Variants in SNTG1 observed in about 807,000 individuals in gnomAD.
SNTG1 encodes the protein syntrophin gamma 1, also known as gamma-1-syntrophin.
Under a neutral mutation model 74.7 loss-of-function variants are expected in SNTG1, and 39 were observed. That is an observed-to-expected ratio of 0.52 (90% CI 0.40 to 0.68). The LOEUF (loss-of-function observed/expected upper bound fraction) is 0.68. SNTG1 is among the 30% of genes least tolerant of loss of function. The pLI is 0.00. For missense variants in SNTG1, 685 were observed against 609.5 expected (o/e 1.12, Z -1.30); for synonymous variants, 254 against 217.1 (o/e 1.17, Z -1.49).
chr8:50,147,642 G>A (rs961623682), intron 1 of SNTG1, among the ~76,000 whole-genome samples: 1 of 152,290 alleles, frequency 6.6e-6, no homozygotes, highest in Non-Finnish European at 1.5e-5. Flanking sequence ...TAAGCCAGGA[G>A]GGATGGTGGG....
At chr8:50,327,056 A>C (rs1193995940) in intron 2 of SNTG1, among the ~76,000 whole-genome samples, 1 of 152,068 alleles carries the variant, frequency 6.6e-6, no homozygotes, top group African/African-American at 2.4e-5. Context: ...GTGAGAGCAT[A>C]TATTGTATGA....
At position 50,403,523 on chromosome 8, in the gene SNTG1, T is replaced by A. The variant is rs183786938; in HGVS notation, c.162+1179T>A. Among the ~76,000 whole-genome samples the A allele has an allele frequency of 5.4e-3, 826 of 152,210 alleles. 2 individuals carry two copies. Among genetic ancestry groups the A allele is most frequent in the Non-Finnish European group, 8.6e-3 (586 of 68,006 alleles). ...CATATAACCCTCTAGAATAAATATA[T>A]CACACTGGTCCCAGATCAAAAAATA... On this transcript the variant is annotated intron_variant, in intron 4 of 18. Transcript: ENST00000642720.
At chr8:50,545,991 T>C (rs1399258620) in intron 11 of SNTG1, among the ~76,000 whole-genome samples, 2 of 152,078 alleles carry the variant, frequency 1.3e-5, no homozygotes, top group Non-Finnish European at 2.9e-5. Context: ...TACAGGAATG[T>C]ATATTTTGGG....
intron 8 of SNTG1, among the ~76,000 whole-genome samples, chr8:50,486,941 G>T (rs915199639): frequency 4.6e-5 from 7 of 152,138 alleles, no homozygotes; most frequent in Non-Finnish European, 7.3e-5. Flanking sequence ...GTGTTTATAT[G>T]CTGGATTACA....
At chr8:50,669,993 G>T (rs201861094) in intron 15 of SNTG1, among the ~76,000 whole-genome samples, 1 of 151,490 alleles carries the variant, frequency 6.6e-6, no homozygotes, top group South Asian at 2.1e-4. Flanking sequence ...ATTCAACAAC[G>T]TTTCATGCTA....
At chr8:50,195,780 G>T (rs1452846777) in intron 2 of SNTG1, among the ~76,000 whole-genome samples, 1 of 152,152 alleles carries the variant, frequency 6.6e-6, no homozygotes, top group Non-Finnish European at 1.5e-5. Context: ...TGTATTTGGG[G>T]TGTCTTCTGG....
intron 2 of SNTG1, among the ~76,000 whole-genome samples, chr8:50,360,727 A>T (rs1028755288): frequency 2.0e-5 from 3 of 152,184 alleles, no homozygotes; most frequent in African/African-American, 7.2e-5. Flanking sequence ...ACATATCTAA[A>T]CATGGAAAAG....
intron 18 of SNTG1, among the ~76,000 whole-genome samples, chr8:50,773,617 C>G (rs2095632808): frequency 6.6e-6 from 1 of 152,032 alleles, no homozygotes; most frequent in Non-Finnish European, 1.5e-5. Context: ...CAACAACAAA[C>G]TGCAACAGCA....
chr8:50,379,645 G>A (rs1465783004), intron 2 of SNTG1, among the ~76,000 whole-genome samples: 2 of 152,240 alleles, frequency 1.3e-5, no homozygotes, highest in East Asian at 3.9e-4. Flanking sequence ...GCTCCAGACA[G>A]CCTGCTGCTG....
intron 4 of SNTG1, among the ~76,000 whole-genome samples, chr8:50,424,505 A>G (rs568982613): frequency 1.6e-4 from 25 of 152,268 alleles, no homozygotes; most frequent in Non-Finnish European, 3.1e-4. Context: ...AGTCAATTTT[A>G]AAAAGGAAGA....
intron 9 of SNTG1, among the ~76,000 whole-genome samples, chr8:50,512,377 T>A (rs57453219): frequency 0.04 from 6,072 of 152,192 alleles, 131 homozygotes; most frequent in Middle Eastern, 0.11. Flanking sequence ...CTTTGGTGAA[T>A]CTGACAATTA....
At chr8:50,438,637 G>A (rs776470933) in intron 5 of SNTG1, 38 bp downstream of exon 5, 1 of 1,533,052 alleles carries the variant, frequency 6.5e-7, no homozygotes. Flanking sequence ...CAAAGGCCAT[G>A]CCATAAGAGC....
chr8:50,276,405 ATAT>A (rs1563832854), intron 2 of SNTG1, among the ~76,000 whole-genome samples: 81 of 124,926 alleles, frequency 6.5e-4, no homozygotes, highest in African/African-American at 2.0e-3. Flanking sequence ...ATATATATAT[ATAT>A]AAATCATATA....
At chr8:50,213,289 C>T (rs542222913) in intron 2 of SNTG1, among the ~76,000 whole-genome samples, 12 of 152,186 alleles carry the variant, frequency 7.9e-5, no homozygotes, top group Non-Finnish European at 1.3e-4. Context: ...CATATGGCTC[C>T]AGCAAACCAA....
At chr8:50,094,498 C>T (rs989206578) in intron 1 of SNTG1, among the ~76,000 whole-genome samples, 1 of 151,908 alleles carries the variant, frequency 6.6e-6, no homozygotes, top group African/African-American at 2.4e-5. Context: ...AAAAAACAAA[C>T]AACCCTATTA....
At chr8:50,550,085 A>G (rs776697158) in intron 11 of SNTG1, among the ~76,000 whole-genome samples, 7 of 152,152 alleles carry the variant, frequency 4.6e-5, no homozygotes, top group East Asian at 3.9e-4. Context: ...TCTCACTAAT[A>G]TAAGTTTATT....
At chr8:50,744,223 A>G (rs2095550208) in intron 17 of SNTG1, among the ~76,000 whole-genome samples, 1 of 152,038 alleles carries the variant, frequency 6.6e-6, no homozygotes, top group Admixed American at 6.6e-5. Flanking sequence ...CTAATACATA[A>G]TAATAGCAAA....
chr8:50,042,419 C>T (rs191836079), intron 1 of SNTG1, among the ~76,000 whole-genome samples: 1 of 152,134 alleles, frequency 6.6e-6, no homozygotes, highest in Non-Finnish European at 1.5e-5. Context: ...CTGAAAACTT[C>T]CGCGGGCTGG....
At chr8:50,142,928 G>C (rs2081722275) in intron 1 of SNTG1, among the ~76,000 whole-genome samples, 1 of 151,878 alleles carries the variant, frequency 6.6e-6, no homozygotes, top group South Asian at 2.1e-4. Context: ...AAAAAAATTA[G>C]CTGGGTCTGG....
Sources: allele counts gnomAD v4.1 joint callset (sites outside exome capture counted in the v4.1 genomes callset), GRCh38; gene constraint gnomAD v4.1.1; transcripts MANE v1.5; gene names NCBI Gene and HGNC (gene_info 2026-07-23, HGNC 2026-07-21).